Variants in FAM222B observed in about 807,000 individuals in gnomAD.
FAM222B encodes family with sequence similarity 222 member B.
Under a neutral mutation model 38.0 loss-of-function variants are expected in FAM222B, and 12 were observed. That is an observed-to-expected ratio of 0.32 (90% CI 0.20 to 0.51). The LOEUF is 0.51. Among genes scored for constraint, FAM222B ranks in the 20% least tolerant of loss-of-function variants. FAM222B has a pLI of 0.97. For missense variants in FAM222B, 716 were observed against 754.2 expected (o/e 0.95, Z 0.59); for synonymous variants, 329 against 317.2 (o/e 1.04, Z -0.40).
chr17:28,773,740 G>A (rs553503853), intron 1 of FAM222B, among the ~76,000 whole-genome samples: 2 of 151,932 alleles, frequency 1.3e-5, no homozygotes, highest in South Asian at 4.2e-4. Context: ...GGAGGTTGCA[G>A]TGAGCCGAGA....
At chr17:28,764,348 G>A (rs1307147934) in intron 2 of FAM222B, among the ~76,000 whole-genome samples, 3 of 151,292 alleles carry the variant, frequency 2.0e-5, no homozygotes, top group Non-Finnish European at 4.4e-5. Flanking sequence ...AGACTGAGGC[G>A]GGAGAATCAC....
intron 1 of FAM222B, among the ~76,000 whole-genome samples, chr17:28,781,269 G>C (rs1199020796): frequency 6.6e-6 from 1 of 152,032 alleles, no homozygotes; most frequent in Non-Finnish European, 1.5e-5. Context: ...CTATACTCCA[G>C]CCTGGGTGAT....
intron 1 of FAM222B, among the ~76,000 whole-genome samples, chr17:28,799,893 TCAC>T (rs1413645677): frequency 6.6e-6 from 1 of 151,496 alleles, no homozygotes; most frequent in Non-Finnish European, 1.5e-5. Context: ...TAGGTGTGAG[TCAC>T]CACACCTGGC....
At position 28,833,414 on chromosome 17, in the gene FAM222B, C is replaced by T. The variant is rs146641713; in HGVS notation, c.-41+9268G>A. ...GGTGCATCACCTGAGGTCAGGAGTT[C>T]GAGACTACCCTGGCCAACATGGTGA... On this transcript the variant is annotated intron_variant, in intron 1 of 2. Coordinates refer to ENST00000581407, the MANE Select transcript of FAM222B (RefSeq NM_001077498.3). Among the ~76,000 whole-genome samples, 419 of 151,136 alleles carry T rather than the reference C, an allele frequency of 2.8e-3. 9 individuals carry two copies. The highest frequency in any genetic ancestry group is 0.024 in the Admixed American group (360 of 15,060).
intron 1 of FAM222B, among the ~76,000 whole-genome samples, chr17:28,838,761 G>C (rs1206172994): frequency 6.6e-6 from 1 of 151,692 alleles, no homozygotes; most frequent in East Asian, 1.9e-4. Flanking sequence ...ACAAAAATCA[G>C]CCAGGTATGG....
upstream of FAM222B, among the ~76,000 whole-genome samples, chr17:28,843,138 CTTT>C (rs1354572041): frequency 2.5e-5 from 2 of 80,330 alleles, no homozygotes; most frequent in African/African-American, 6.1e-5. Context: ...AAATTTGGGT[CTTT>C]TTTTTTTTTT....
upstream of FAM222B, among the ~76,000 whole-genome samples, chr17:28,845,395 A>C (rs1428553110): frequency 6.8e-6 from 1 of 146,556 alleles, no homozygotes; most frequent in East Asian, 2.0e-4. Context: ...GCGAGACTCC[A>C]TCTCAAAAAA....
chr17:28,830,537 T>C (rs1019177643), intron 1 of FAM222B, among the ~76,000 whole-genome samples: 1 of 152,202 alleles, frequency 6.6e-6, no homozygotes, highest in Non-Finnish European at 1.5e-5. Flanking sequence ...TATATTTTCA[T>C]CTACTTGACA....
At chr17:28,771,006 A>ATT (rs1004308654) in intron 1 of FAM222B, among the ~76,000 whole-genome samples, 1 of 148,662 alleles carries the variant, frequency 6.7e-6, no homozygotes, top group Non-Finnish European at 1.5e-5. Flanking sequence ...ATATATATAT[A>ATT]TTTTTTCTTT....
intron 1 of FAM222B, among the ~76,000 whole-genome samples, chr17:28,790,733 G>A (rs532470436): frequency 1.3e-5 from 2 of 152,044 alleles, no homozygotes; most frequent in South Asian, 4.2e-4. Flanking sequence ...GTTGTATTGT[G>A]GTAAAGTTGG....
chr17:28,821,375 A>G (rs541896310), intron 1 of FAM222B, among the ~76,000 whole-genome samples: 11 of 152,362 alleles, frequency 7.2e-5, no homozygotes, highest in Admixed American at 7.2e-4. Flanking sequence ...ACAACATCCC[A>G]ATAAAGAACT....
chr17:28,758,024 A>G lies in FAM222B; in HGVS notation c.*246T>C. ...ATGGCCAAGGTGGAGAGACTAGCTG[A>G]CAGGCAGTCAGTGGAGAGAAAAGCC... On this transcript the variant is annotated 3_prime_UTR_variant, in exon 3 of 3. Coordinates refer to ENST00000581407, the MANE Select transcript of FAM222B (RefSeq NM_001077498.3). The G allele has an allele frequency of 2.4e-6, 1 of 411,418 alleles. No individual in the cohort carries two copies. The highest frequency in any genetic ancestry group is 4.3e-6 in the Non-Finnish European group (1 of 230,988). 25.5% of individuals were successfully genotyped at this position (411,418 alleles called of 1,614,324 possible).
At chr17:28,785,746 G>A (rs2036383176) in intron 1 of FAM222B, among the ~76,000 whole-genome samples, 1 of 150,732 alleles carries the variant, frequency 6.6e-6, no homozygotes, top group South Asian at 2.1e-4. Context: ...TGTAGCCTAG[G>A]CTGGAGTGCA....
chr17:28,772,986 A>C (rs1396130663), intron 1 of FAM222B, among the ~76,000 whole-genome samples: 2 of 152,214 alleles, frequency 1.3e-5, no homozygotes, highest in African/African-American at 4.8e-5. Flanking sequence ...ATAAGAGGTG[A>C]ATTCAGCAGA....
chr17:28,759,602 G>A lies in FAM222B; in HGVS notation c.357C>T (p.Thr119=). The A allele has an allele frequency of 1.2e-6, 2 of 1,612,642 alleles. No individual in the cohort carries two copies. Among genetic ancestry groups the A allele is most frequent in the South Asian group, 1.1e-5 (1 of 90,744 alleles). The change falls in exon 3 of 3, where the codon ACC becomes ACT. Residue 119 remains threonine, a synonymous_variant. Transcript: ENST00000581407. This position sits in a 1 kb window ranked among gnomAD's most constrained non-coding sequence, Gnocchi z 4.8. ...TGGCCTCAGGGAGCAACCGGGCTCG[G>A]GTGCCGTCAAAGTCCTTGAGTATGC... ...AKSILKDFDG[T]RARLLPEAIM... is the part of the protein sequence containing the mutation.
rs752443903 is a variant in FAM222B at position 28,790,915 on chromosome 17, T to TTTTTTTTTTTA, written c.-40-24209_-40-24208insTAAAAAAAAAA. Among the ~76,000 whole-genome samples, 35 of 121,074 alleles carry TTTTTTTTTTTA rather than the reference T, an allele frequency of 2.9e-4. 2 individuals carry two copies. Among genetic ancestry groups the TTTTTTTTTTTA allele is most frequent in the Non-Finnish European group, 4.1e-4 (24 of 58,580 alleles). 79.4% of individuals were successfully genotyped at this position (121,074 alleles called of 152,430 possible). A position where few individuals can be genotyped will look rare whatever the true frequency, so the allele number is the denominator to read the frequency against. ...TTTTTTTTTTTTTTTTTTTTTTTTT[T>TTTTTTTTTTTA]AGAGACAGAATCTTGCTCTGTTGCC... On this transcript the variant is annotated intron_variant, in intron 1 of 2. Coordinates refer to ENST00000581407, the MANE Select transcript of FAM222B (RefSeq NM_001077498.3).
At chr17:28,847,665 A>T (rs1449531800), upstream of FAM222B, among the ~76,000 whole-genome samples, 1 of 152,012 alleles carries the variant, frequency 6.6e-6, no homozygotes, top group East Asian at 1.9e-4. Context: ...CTGTAATCCC[A>T]GCGCTTTGGG....
At position 28,758,401 on chromosome 17, in the gene FAM222B, C is replaced by T. The variant is rs372433745; in HGVS notation, c.1558G>A (p.Asp520Asn). Reference sequence around the variant, plus strand: ...TCTCGGAAGCAGGCCTGTTGGAAATCCCCACTTAGGTAATCCACTGTTTGC... The same window carrying T: ...TCTCGGAAGCAGGCCTGTTGGAAATTCCCACTTAGGTAATCCACTGTTTGC... ...LMQTVDYLSG[D>N]FQQACFREQS... Residue 520 changes from aspartate to asparagine, a missense_variant, in exon 3 of 3, where the codon GAT becomes AAT. Coordinates refer to ENST00000581407, the MANE Select transcript of FAM222B (RefSeq NM_001077498.3). 1.2e-6 allele frequency: 2 copies of T among 1,613,738 alleles called. No individual in the cohort carries two copies. Among genetic ancestry groups the T allele is most frequent in the African/African-American group, 2.7e-5 (2 of 74,860 alleles).
chr17:28,807,427 C>T (rs141100383), intron 1 of FAM222B, among the ~76,000 whole-genome samples: 4 of 152,134 alleles, frequency 2.6e-5, no homozygotes, highest in African/African-American at 9.6e-5. Flanking sequence ...ACTCTGTCAC[C>T]CAGGCTGGAG....
Sources: gnomAD v4.1 joint callset for allele counts (sites outside exome capture counted in the v4.1 genomes callset) on GRCh38, gnomAD v4.1.1 for gene constraint, Gnocchi (gnomAD v3.1) non-coding constraint, MANE v1.5 for transcripts, NCBI Gene and HGNC (gene_info 2026-07-23, HGNC 2026-07-21) for gene names.